Variants in RASA1 observed in about 807,000 individuals in gnomAD.
RASA1 encodes RAS p21 protein activator 1.
A neutral mutation model predicts 132.2 loss-of-function variants in RASA1; 25 were observed. That is an observed-to-expected ratio of 0.19 (90% CI 0.14 to 0.26). RASA1 has a LOEUF of 0.26. Among genes scored for constraint, RASA1 ranks in the 10% least tolerant of loss-of-function variants. The probability of loss-of-function intolerance (pLI) is 1.00; values close to 1 mark genes in which losing one functional copy is unlikely to be tolerated. For synonymous variants in RASA1, 477 were observed against 449.9 expected, an observed-to-expected ratio of 1.06 and a Z score of -0.76; for missense variants, 964 against 1,299.2, an observed-to-expected ratio of 0.74 and a Z score of 3.97.
intron 9 of RASA1, among the ~76,000 whole-genome samples, chr5:87,361,332 G>A (rs1443119921): frequency 6.6e-6 from 1 of 152,100 alleles, no homozygotes; most frequent in African/African-American, 2.4e-5. Flanking sequence ...TAGTAATTTT[G>A]TAGCATTAAC....
At chr5:87,273,266 T>A (rs1408700946) in intron 1 of RASA1, among the ~76,000 whole-genome samples, 1 of 152,192 alleles carries the variant, frequency 6.6e-6, no homozygotes, top group African/African-American at 2.4e-5. Flanking sequence ...GCTGGAAATG[T>A]TTATGTAATT....
chr5:87,327,141 A>G (rs1246925955), intron 1 of RASA1, among the ~76,000 whole-genome samples: 1 of 152,186 alleles, frequency 6.6e-6, no homozygotes, highest in Non-Finnish European at 1.5e-5. Flanking sequence ...GCAACTTTAT[A>G]TGTGTTAGCT....
intron 1 of RASA1, 164 bp from the exon 2 acceptor site, chr5:87,331,184 T>A: frequency 1.0e-6 from 1 of 957,718 alleles, no homozygotes; most frequent in East Asian, 2.4e-5. Context: ...TTTTTGAGAC[T>A]GAGGTTAAAT....
chr5:87,315,869 A>G (rs2112318483), intron 1 of RASA1, among the ~76,000 whole-genome samples: 1 of 152,316 alleles, frequency 6.6e-6, no homozygotes, highest in East Asian at 1.9e-4. Flanking sequence ...TAAAAAGTTT[A>G]ATTTCAAAAA....
chr5:87,362,726 G>T, intron 10 of RASA1, 55 bp downstream of exon 10: 3 of 1,554,358 alleles, frequency 1.9e-6, no homozygotes, highest in Non-Finnish European at 2.7e-6. Flanking sequence ...TAAATATGGA[G>T]CTCCGAACTT....
At chr5:87,287,175 CATAT>C (rs527827202) in intron 1 of RASA1, among the ~76,000 whole-genome samples, 1 of 138,868 alleles carries the variant, frequency 7.2e-6, no homozygotes, top group African/African-American at 2.7e-5. Flanking sequence ...ATATACACAC[CATAT>C]ATATATACAC....
intron 1 of RASA1, among the ~76,000 whole-genome samples, chr5:87,288,040 A>G (rs565567244): frequency 8.3e-5 from 5 of 60,542 alleles, no homozygotes; most frequent in Non-Finnish European, 1.4e-4. Flanking sequence ...TATATATACC[A>G]TATATATACC....
intron 21 of RASA1, among the ~76,000 whole-genome samples, chr5:87,384,355 A>T (rs979552323): frequency 2.0e-5 from 3 of 152,146 alleles, no homozygotes; most frequent in Non-Finnish European, 4.4e-5. Flanking sequence ...AGCTTCTTTC[A>T]AAGAAAGGAT....
intron 1 of RASA1, among the ~76,000 whole-genome samples, chr5:87,322,720 A>G (rs2112340696): frequency 6.6e-6 from 1 of 152,314 alleles, no homozygotes; most frequent in East Asian, 1.9e-4. Context: ...CAGTCTCAAG[A>G]CAGACTAACA....
chr5:87,347,097 A>T (rs1337035487), intron 7 of RASA1, among the ~76,000 whole-genome samples: 2 of 151,934 alleles, frequency 1.3e-5, no homozygotes, highest in Non-Finnish European at 2.9e-5. Context: ...TTGGGAGATG[A>T]TTCTGTATCT....
intron 1 of RASA1, among the ~76,000 whole-genome samples, chr5:87,305,716 A>G (rs1755577286): frequency 6.6e-6 from 1 of 152,248 alleles, no homozygotes; most frequent in Non-Finnish European, 1.5e-5. Context: ...GAATGGGAGA[A>G]AATTTTTGCA....
intron 1 of RASA1, chr5:87,269,239 A>C (rs1282612173): frequency 6.5e-7 from 1 of 1,546,804 alleles, no homozygotes. Context: ...GCATGAGAAA[A>C]TGTGTATCTA....
intron 18 of RASA1, among the ~76,000 whole-genome samples, chr5:87,379,335 A>G (rs567238747): frequency 5.8e-4 from 88 of 152,294 alleles, no homozygotes; most frequent in Non-Finnish European, 5.6e-4. Flanking sequence ...ACTTCCATAG[A>G]TAAATGTACT....
intron 7 of RASA1, 36 bp downstream of exon 7, chr5:87,346,760 T>C: frequency 7.0e-7 from 1 of 1,430,196 alleles, no homozygotes; most frequent in East Asian, 2.3e-5. Flanking sequence ...TAATGTCTAT[T>C]TAAAGAGAAT....
intron 1 of RASA1, among the ~76,000 whole-genome samples, chr5:87,286,896 A>G (rs986493856): frequency 1.3e-5 from 2 of 150,254 alleles, no homozygotes; most frequent in African/African-American, 4.9e-5. Context: ...ATATACATAT[A>G]CACCATATAT....
At chr5:87,277,375 C>T (rs774415782) in intron 1 of RASA1, among the ~76,000 whole-genome samples, 4 of 152,116 alleles carry the variant, frequency 2.6e-5, no homozygotes, top group Non-Finnish European at 5.9e-5. Context: ...GAGATACAGC[C>T]TTTAAAAGAG....
chr5:87,285,329 A>G (rs1019542091), intron 1 of RASA1, among the ~76,000 whole-genome samples: 4 of 151,954 alleles, frequency 2.6e-5, no homozygotes, highest in Non-Finnish European at 5.9e-5. Flanking sequence ...GGCCTCCCAA[A>G]GTGCTGGGAT....
chr5:87,378,412 A>G lies in RASA1; in HGVS notation c.2361A>G (p.Leu787=). ...TTTGTGTAGATGAAGCCACTACCCT[A>G]TTTCGAGCCACAACACTTGCAAGCA... ...EISMEDEATT[L]FRATTLASTL... is the part of the protein sequence containing the mutation. Residue 787 remains leucine, a synonymous_variant, in exon 18 of 25, where the codon CTA becomes CTG. Coordinates refer to ENST00000274376, the MANE Select transcript of RASA1 (RefSeq NM_002890.3). 6.2e-7 allele frequency: 1 copy of G among 1,613,150 alleles called. No homozygotes were observed. The highest frequency in any genetic ancestry group is 8.5e-7 in the Non-Finnish European group (1 of 1,179,416).
At chr5:87,386,172 G>T (rs1762050320) in intron 22 of RASA1, among the ~76,000 whole-genome samples, 1 of 151,910 alleles carries the variant, frequency 6.6e-6, no homozygotes, top group African/African-American at 2.4e-5. Flanking sequence ...ATTACTGTTA[G>T]AGAGACTTTC....
Sources: allele counts gnomAD v4.1 joint callset (sites outside exome capture counted in the v4.1 genomes callset), GRCh38; gene constraint gnomAD v4.1.1; transcripts MANE v1.5; gene names NCBI Gene and HGNC (gene_info 2026-07-23, HGNC 2026-07-21).